ADGRV1: variants seen among roughly 807,000 people sequenced by gnomAD.
The protein encoded by ADGRV1 is G-protein coupled receptor 98.
ADGRV1 carries 359 observed loss-of-function variants against 596.2 expected under a neutral mutation model. That is an observed-to-expected ratio of 0.60 (90% CI 0.55 to 0.66). The LOEUF is 0.66. Ranked by LOEUF, ADGRV1 falls within the 30% of genes least tolerant of loss-of-function variation. The pLI is 0.00. For synonymous variants in ADGRV1, 2,681 were observed against 2,679.2 expected (o/e 1.00, Z -0.02); for missense variants, 7,274 against 7,575.6 (o/e 0.96, Z 1.48).
chr5:90,685,081 G>T (rs955893161), intron 28 of ADGRV1, among the ~76,000 whole-genome samples: 2 of 152,054 alleles, frequency 1.3e-5, no homozygotes, highest in African/African-American at 4.8e-5. Flanking sequence ...ATACTCTAAT[G>T]ATTTTTTCCT....
intron 24 of ADGRV1, among the ~76,000 whole-genome samples, 186 bp downstream of exon 24, chr5:90,675,631 C>T (rs181012616): frequency 6.6e-6 from 1 of 151,928 alleles, no homozygotes; most frequent in East Asian, 1.9e-4. Context: ...GTCACTTTCT[C>T]TACAAAAAAA....
intron 22 of ADGRV1, among the ~76,000 whole-genome samples, chr5:90,673,174 C>T (rs1215675039): frequency 6.6e-5 from 10 of 152,102 alleles, no homozygotes; most frequent in Non-Finnish European, 1.3e-4. Context: ...ATTGCTTGTG[C>T]TGGACTCCTA....
chr5:91,023,675 C>A lies in ADGRV1; in HGVS notation c.18152+38153C>A, dbSNP rs191495920. ...TGGGCCACCCAAGCTCCAGGGCTGGCTTGATGGGCAGGGAACTCAGGGTCC... is the reference window on the plus strand; with the variant it reads ...TGGGCCACCCAAGCTCCAGGGCTGGATTGATGGGCAGGGAACTCAGGGTCC... On this transcript the variant is annotated intron_variant, in intron 85 of 89. Coordinates refer to ENST00000405460, the MANE Select transcript of ADGRV1 (RefSeq NM_032119.4). Among the ~76,000 whole-genome samples, 15 of 152,172 alleles carry A rather than the reference C, an allele frequency of 9.9e-5. No homozygotes were observed. In the East Asian group the frequency reaches 2.9e-3, roughly 29 times the overall value.
chr5:90,864,987 T>G (rs1767958088), intron 83 of ADGRV1, among the ~76,000 whole-genome samples: 1 of 152,104 alleles, frequency 6.6e-6, no homozygotes, highest in African/African-American at 2.4e-5. Context: ...AAAATAGCGT[T>G]TGTGGTGGAG....
chr5:90,963,294 C>T (rs1478164335), intron 83 of ADGRV1, among the ~76,000 whole-genome samples: 1 of 151,884 alleles, frequency 6.6e-6, no homozygotes, highest in Non-Finnish European at 1.5e-5. Flanking sequence ...AGTTCCAGTG[C>T]TTAGTGCATA....
intron 1 of ADGRV1, among the ~76,000 whole-genome samples, chr5:90,579,292 T>A (rs1416339863): frequency 1.3e-5 from 2 of 152,228 alleles, no homozygotes; most frequent in Non-Finnish European, 2.9e-5. Flanking sequence ...TCCCAGAGAT[T>A]CTGGTATGTT....
intron 5 of ADGRV1, among the ~76,000 whole-genome samples, chr5:90,623,994 CATT>C (rs1764419303): frequency 6.6e-6 from 1 of 151,954 alleles, no homozygotes; most frequent in African/African-American, 2.4e-5. Context: ...TATTTTCAAA[CATT>C]AGAGTATTAG....
intron 85 of ADGRV1, among the ~76,000 whole-genome samples, chr5:91,029,877 A>G (rs1581838050): frequency 6.6e-6 from 1 of 152,130 alleles, no homozygotes; most frequent in African/African-American, 2.4e-5. Flanking sequence ...CACCTACAGT[A>G]TTTCAATGTC....
chr5:90,618,306 A>G (rs575266489), intron 3 of ADGRV1, among the ~76,000 whole-genome samples: 1 of 152,306 alleles, frequency 6.6e-6, no homozygotes, highest in East Asian at 1.9e-4. Context: ...AAAGGACAAG[A>G]ATACAAAAAG....
Position 90,642,660 on chromosome 5 carries a change from G to A in ADGRV1, c.2265G>A (p.Leu755=). 6.2e-7 allele frequency: 1 copy of A among 1,613,404 alleles called. No individual in the cohort carries two copies. The highest frequency in any genetic ancestry group is 1.1e-5 in the South Asian group (1 of 90,994). Residue 755 remains leucine (L), a synonymous_variant, in exon 12 of 90, where the codon CTG becomes CTA. Coordinates refer to ENST00000405460, the MANE Select transcript of ADGRV1 (RefSeq NM_032119.4). ...LDRVNVENQV[L]KSGYTSRDLI... Reference sequence around the variant, plus strand: ...GGGTTAACGTGGAAAACCAAGTGCTGAAATCTGGATATACTAGCCGTGACC... The same window carrying A: ...GGGTTAACGTGGAAAACCAAGTGCTAAAATCTGGATATACTAGCCGTGACC...
At position 90,809,238 on chromosome 5, in the gene ADGRV1, GAGCCACCGCGGCC is replaced by G. The variant is rs750241634; in HGVS notation, c.14973-992_14973-980del. Reference sequence around the variant, plus strand: ...CCCAAAGTGCTGGGATTACAGGCGTGAGCCACCGCGGCCAGGCATAAATCTTACAGTGCTTACT... The same window carrying G: ...CCCAAAGTGCTGGGATTACAGGCGTGAGGCATAAATCTTACAGTGCTTACT... On this transcript the variant is annotated intron_variant, in intron 73 of 89. Transcript: ENST00000405460. 8.0e-5 allele frequency among the ~76,000 whole-genome samples: 12 copies of G among 149,920 alleles called. No individual in the cohort carries two copies. In the East Asian group the frequency reaches 9.9e-4, roughly 12 times the overall value.
chr5:90,621,778 G>C (rs1456589533), intron 4 of ADGRV1, among the ~76,000 whole-genome samples: 1 of 152,064 alleles, frequency 6.6e-6, no homozygotes, highest in Non-Finnish European at 1.5e-5. Flanking sequence ...TCAATAGGCT[G>C]GCTTTGCTTT....
intron 1 of ADGRV1, among the ~76,000 whole-genome samples, chr5:90,559,364 G>T (rs1480909102): frequency 6.6e-6 from 1 of 152,146 alleles, no homozygotes; most frequent in Non-Finnish European, 1.5e-5. Flanking sequence ...AACTTAAGGA[G>T]ACTTGTTTGT....
At chr5:90,740,241 G>C (rs1397799096) in intron 50 of ADGRV1, among the ~76,000 whole-genome samples, 1 of 152,044 alleles carries the variant, frequency 6.6e-6, no homozygotes, top group East Asian at 1.9e-4. Flanking sequence ...CCTGGAAGTG[G>C]CTGTGAAGGA....
At chr5:90,574,481 T>C (rs1030424192) in intron 1 of ADGRV1, among the ~76,000 whole-genome samples, 2 of 152,168 alleles carry the variant, frequency 1.3e-5, no homozygotes, top group Admixed American at 1.3e-4. Context: ...ATGCTACTGA[T>C]TTTTGTACAT....
rs74388584 is a variant in ADGRV1 at position 91,144,137 on chromosome 5, G to T, written c.18433-5893G>T. 9.2e-5 allele frequency among the ~76,000 whole-genome samples: 14 copies of T among 152,142 alleles called. 1 individual carries two copies. The highest frequency in any genetic ancestry group is 5.9e-5 in the Non-Finnish European group (4 of 68,030). On this transcript the variant is annotated intron_variant, in intron 87 of 89. Transcript: ENST00000405460. ...ATGCCCAGGTCTGCAGCTGCAGCTTGGGTGGCTGCAGTGGCACCTGCCTGC... is the reference window on the plus strand; with the variant it reads ...ATGCCCAGGTCTGCAGCTGCAGCTTTGGTGGCTGCAGTGGCACCTGCCTGC...
At chr5:91,021,547 C>A (rs1367452056) in intron 85 of ADGRV1, among the ~76,000 whole-genome samples, 1 of 152,086 alleles carries the variant, frequency 6.6e-6, no homozygotes, top group African/African-American at 2.4e-5. Flanking sequence ...TAAGCCCACA[C>A]AGTGAACCAG....
chr5:90,660,840 C>T (rs1770169376), intron 21 of ADGRV1, among the ~76,000 whole-genome samples: 1 of 152,096 alleles, frequency 6.6e-6, no homozygotes, highest in Admixed American at 6.5e-5. Context: ...ACATCTTAAA[C>T]AGATAATGAA....
chr5:90,724,291 A>AT (rs1241223045), intron 45 of ADGRV1, among the ~76,000 whole-genome samples: 1 of 152,010 alleles, frequency 6.6e-6, no homozygotes, highest in East Asian at 1.9e-4. Context: ...GTGCAGTGGC[A>AT]CTATCTCGGC....
Sources: allele counts gnomAD v4.1 joint callset (sites outside exome capture counted in the v4.1 genomes callset), GRCh38; gene constraint gnomAD v4.1.1; transcripts MANE v1.5; gene names NCBI Gene and HGNC (gene_info 2026-07-23, HGNC 2026-07-21).